CIZ1: variants seen among roughly 807,000 people sequenced by gnomAD.
CIZ1 encodes cip1-interacting zinc finger protein.
In CIZ1, 58 loss-of-function variants were observed where a neutral mutation model predicts 118.6. The ratio of observed to expected loss-of-function variants is 0.49; its 90% CI spans 0.40 to 0.61. The LOEUF (loss-of-function observed/expected upper bound fraction) is 0.61. Among genes scored for constraint, CIZ1 ranks in the 20% least tolerant of loss-of-function variants. The pLI, the probability that CIZ1 is intolerant of heterozygous loss-of-function variation, is 0.00. For missense variants in CIZ1, 921 were observed against 1,115.9 expected, an observed-to-expected ratio of 0.83 and a Z score of 2.49; for synonymous variants, 448 against 443.4, an observed-to-expected ratio of 1.01 and a Z score of -0.13.
intron 14 of CIZ1, among the ~76,000 whole-genome samples, chr9:128,167,969 C>T (rs943916267): frequency 3.3e-5 from 5 of 152,336 alleles, no homozygotes; most frequent in Middle Eastern, 6.8e-3. Context: ...GATGTGACTA[C>T]TGAGCAATGA....
chr9:128,190,672 CGA>C lies in CIZ1; in HGVS notation c.170+14_170+15del, dbSNP rs1564300681. On this transcript the variant is annotated intron_variant, in intron 2 of 16. Transcript: ENST00000372938. ...GTAGCAAGGCTGAAGCCATCGCGCCCGAGAGGGGAACTCACCGGCTGACAGCC... is the reference window on the plus strand; with the variant it reads ...GTAGCAAGGCTGAAGCCATCGCGCCCGAGGGGAACTCACCGGCTGACAGCC... 1.6e-5 allele frequency: 25 copies of C among 1,549,182 alleles called. No individual in the cohort carries two copies. The East Asian group carries it at 6.1e-4, about 38-fold the overall frequency.
chr9:128,169,307 C>A lies in CIZ1; in HGVS notation c.2145+99G>T, dbSNP rs10987905. On this transcript the variant is annotated intron_variant, in intron 13 of 16. Coordinates refer to ENST00000372938, the MANE Select transcript of CIZ1 (RefSeq NM_001131016.2). ...GAGAGTCCCAATCCCTCCAGACCCGCTGTGAGTTTGGGCTGGGATAAACCT... is the reference window on the plus strand; with the variant it reads ...GAGAGTCCCAATCCCTCCAGACCCGATGTGAGTTTGGGCTGGGATAAACCT... 366,862 of 1,378,598 alleles carry A rather than the reference C, an allele frequency of 0.27. 53,467 individuals are homozygous for A. Among genetic ancestry groups the A allele is most frequent in the Middle Eastern group, 0.36 (1,988 of 5,580 alleles). The allele number at this position is 1,378,598 out of a possible 1,614,324, so 85.4% of individuals were successfully genotyped here.
chr9:128,173,582 C>G (rs1362402765), intron 11 of CIZ1, among the ~76,000 whole-genome samples: 2 of 152,034 alleles, frequency 1.3e-5, no homozygotes, highest in Non-Finnish European at 2.9e-5. Context: ...CAGCCTGGCT[C>G]TATTTTTCAA....
chr9:128,169,142 G>A lies in CIZ1; in HGVS notation c.2205C>T (p.Asp735=), dbSNP rs41276236. Residue 735 remains aspartate (D), a synonymous_variant, in exon 14 of 17, where the codon GAC becomes GAT. Transcript: ENST00000372938. ...GQDEDHFITV[D]AVGCFEGDEE... is the part of the protein sequence containing the mutation. ...CATCACCCTCGAAGCAACCCACAGC[G>A]TCCACTGTAATGAAGTGGTCCTCAT... The A allele has an allele frequency of 0.02, 32,916 of 1,614,016 alleles. 383 individuals carry two copies. The highest frequency in any genetic ancestry group is 0.024 in the Non-Finnish European group (28,849 of 1,179,972).
At chr9:128,167,285 G>T in intron 14 of CIZ1, 121 bp from the exon 15 acceptor site, 1 of 707,730 alleles carries the variant, frequency 1.4e-6, no homozygotes, top group Non-Finnish European at 2.3e-6. Flanking sequence ...ATTTCCAGGA[G>T]GTAGTGGGTG....
intron 10 of CIZ1, 25 bp downstream of exon 10, chr9:128,177,541 C>A: frequency 8.1e-7 from 1 of 1,228,100 alleles, no homozygotes; most frequent in East Asian, 2.8e-5. Flanking sequence ...CCACCCCTCC[C>A]CACCCTTATC....
intron 1 of CIZ1, among the ~76,000 whole-genome samples, chr9:128,202,075 A>C (rs957733823): frequency 6.6e-6 from 1 of 152,208 alleles, no homozygotes; most frequent in African/African-American, 2.4e-5. Context: ...TGTCAGCCAC[A>C]TGTGGGTAAG....
At chr9:128,193,899 G>T (rs79081433), upstream of CIZ1, among the ~76,000 whole-genome samples, 10,493 of 152,154 alleles carry the variant, frequency 0.069, 762 homozygotes, top group East Asian at 0.42. Flanking sequence ...TCCCGGGGTG[G>T]TAAGGATGAC....
chr9:128,201,373 C>G (rs561206810), intron 1 of CIZ1, among the ~76,000 whole-genome samples: 9 of 152,222 alleles, frequency 5.9e-5, no homozygotes, highest in Non-Finnish European at 1.3e-4. Context: ...TCGCTTGAAC[C>G]CAGGAGGCAG....
intron 13 of CIZ1, 72 bp downstream of exon 13, chr9:128,169,311 GAGTTTGGGCTGGGATAAACCTCA>G: frequency 1.5e-6 from 2 of 1,367,448 alleles, no homozygotes; most frequent in Non-Finnish European, 2.1e-6. Flanking sequence ...GACCCGCTGT[GAGTTTGGGCTGGGATAAACCTCA>G]ACTTGCTACA....
chr9:128,194,914 C>T (rs1024411584), upstream of CIZ1, among the ~76,000 whole-genome samples: 1 of 152,144 alleles, frequency 6.6e-6, no homozygotes, highest in Non-Finnish European at 1.5e-5. Flanking sequence ...CCCTCCCTGG[C>T]TCAATGGAGC....
upstream of CIZ1, chr9:128,191,879 C>T: frequency 6.9e-7 from 1 of 1,453,588 alleles, no homozygotes; most frequent in South Asian, 1.3e-5. This position sits in a 1 kb window ranked among gnomAD's most constrained non-coding sequence, Gnocchi z 5.5. Context: ...CGCGGTCCTG[C>T]GATCCTGGGG....
chr9:128,172,284 G>T (rs1588134664), intron 11 of CIZ1, among the ~76,000 whole-genome samples: 2 of 152,264 alleles, frequency 1.3e-5, no homozygotes, highest in Admixed American at 1.3e-4. Flanking sequence ...CTGAGGTCAG[G>T]AGTTCAAGAC....
At position 128,177,690 on chromosome 9, in the gene CIZ1, G is replaced by C; in HGVS notation, c.1694C>G (p.Pro565Arg). 6.2e-7 allele frequency: 1 copy of C among 1,606,526 alleles called. No homozygotes were observed. Among genetic ancestry groups the C allele is most frequent in the Non-Finnish European group, 8.5e-7 (1 of 1,176,682 alleles). Residue 565 changes from proline (P) to arginine (R), a missense_variant, in exon 10 of 17, where the codon CCC (proline) becomes CGC (arginine). Pro to Arg is a moderately radical substitution (Grantham distance 103). Transcript: ENST00000372938. Reference protein sequence around the residue: ...SSDSRAFSTVPLTPVPRPSDS... With the variant: ...SSDSRAFSTVRLTPVPRPSDS... ...ACTGGGGCGGGGGACAGGTGTCAGG[G>C]GTACAGTGCTAAAGGCCCGGCTGTC... is the stretch of plus-strand genomic sequence containing the variant.
intron 14 of CIZ1, chr9:128,168,792 G>T: frequency 2.1e-6 from 1 of 483,990 alleles, no homozygotes; most frequent in Non-Finnish European, 3.8e-6. Context: ...CCACCTCCGT[G>T]CCTTTACTGA....
rs1477637279 is a variant in CIZ1 at position 128,203,527 on chromosome 9, C to T, written c.-6+659G>A. The T allele has an allele frequency of 6.5e-7, 1 of 1,544,092 alleles. No homozygotes were observed. On this transcript the variant is annotated intron_variant, in intron 1 of 17. Coordinates refer to the CIZ1 transcript ENST00000372948. The surrounding 1 kb of genome is among the most constrained non-coding windows in gnomAD (Gnocchi z 5.3). Reference sequence around the variant, plus strand: ...CGCTGGTCAACCGGCTGCAAGACGCCTTCTCTGCCATCGGCCAGAACGCGG... The same window carrying T: ...CGCTGGTCAACCGGCTGCAAGACGCTTTCTCTGCCATCGGCCAGAACGCGG...
chr9:128,191,637 C>G, upstream of CIZ1: 5 of 1,227,108 alleles, frequency 4.1e-6, no homozygotes, highest in Non-Finnish European at 4.1e-6. The surrounding 1 kb of genome is among the most constrained non-coding windows in gnomAD (Gnocchi z 5.5). Flanking sequence ...CAGGCGCCTC[C>G]GGCCGCGCCA....
At chr9:128,172,137 G>A in intron 11 of CIZ1, among the ~76,000 whole-genome samples, 1 of 99,578 alleles carries the variant, frequency 1.0e-5, no homozygotes, top group Admixed American at 1.6e-4. Flanking sequence ...GACAGAGTGA[G>A]ACACTGTCTC....
upstream of CIZ1, chr9:128,191,749 C>T (rs1203553669): frequency 7.2e-7 from 1 of 1,395,674 alleles, no homozygotes. This position sits in a 1 kb window ranked among gnomAD's most constrained non-coding sequence, Gnocchi z 5.5. Context: ...CCCGCGTCCT[C>T]CGCATCGCGA....
Sources: gnomAD v4.1 joint callset for allele counts (sites outside exome capture counted in the v4.1 genomes callset) on GRCh38, gnomAD v4.1.1 for gene constraint, Gnocchi (gnomAD v3.1) non-coding constraint, MANE v1.5 for transcripts, NCBI Gene and HGNC (gene_info 2026-07-23, HGNC 2026-07-21) for gene names.